DLG2: variants seen among roughly 807,000 people sequenced by gnomAD.
The protein encoded by DLG2 is discs large MAGUK scaffold protein 2, also known as disks large homolog 2.
Under a neutral mutation model 132.5 loss-of-function variants are expected in DLG2, and 45 were observed. The observed-to-expected ratio is 0.34, with a 90% CI of 0.27 to 0.44. DLG2 has a LOEUF of 0.44. DLG2 is among the 20% of genes least tolerant of loss of function. The probability of loss-of-function intolerance (pLI) is 1.00; values close to 1 mark genes in which losing one functional copy is unlikely to be tolerated. For synonymous variants in DLG2, 424 were observed against 419.6 expected (o/e 1.01, Z -0.13); for missense variants, 1,045 against 1,196.9 (o/e 0.87, Z 1.87).
At chr11:84,707,582 T>G (rs2059916853) in intron 6 of DLG2, among the ~76,000 whole-genome samples, 1 of 151,792 alleles carries the variant, frequency 6.6e-6, no homozygotes, top group Non-Finnish European at 1.5e-5. Flanking sequence ...TACAATAGGT[T>G]GTATTCCCAA....
At chr11:85,397,017 G>C (rs1028529780) in intron 3 of DLG2, among the ~76,000 whole-genome samples, 3 of 152,104 alleles carry the variant, frequency 2.0e-5, no homozygotes, top group African/African-American at 7.2e-5. Flanking sequence ...AATATTAAGG[G>C]CATCCAAAGA....
chr11:84,167,025 C>T (rs1170059230), intron 8 of DLG2: 4 of 532,824 alleles, frequency 7.5e-6, no homozygotes, highest in African/African-American at 1.9e-5. Flanking sequence ...TCTGTTATTC[C>T]AGTTCTGGCC....
intron 8 of DLG2, among the ~76,000 whole-genome samples, chr11:84,173,622 A>T (rs1458050297): frequency 6.6e-6 from 1 of 152,230 alleles, no homozygotes; most frequent in Non-Finnish European, 1.5e-5. Flanking sequence ...ACTTGAGTAT[A>T]ATATGACTGT....
chr11:84,331,650 C>T (rs1043303064), intron 7 of DLG2, among the ~76,000 whole-genome samples: 18 of 151,606 alleles, frequency 1.2e-4, no homozygotes, highest in Admixed American at 7.9e-4. Flanking sequence ...ATAAAATCCC[C>T]ATGTTGGTGA....
chr11:83,483,270 T>A, intron 22 of DLG2: 1 of 1,613,080 alleles, frequency 6.2e-7, no homozygotes, highest in Admixed American at 1.7e-5. Context: ...CTTTGTTCCA[T>A]AACCGTCGTC....
intron 16 of DLG2, among the ~76,000 whole-genome samples, chr11:83,859,478 A>G (rs2061085611): frequency 1.3e-5 from 2 of 152,210 alleles, no homozygotes; most frequent in Non-Finnish European, 2.9e-5. Context: ...CCTGCCCTAG[A>G]GATTTGTGAA....
intron 6 of DLG2, among the ~76,000 whole-genome samples, chr11:84,877,610 T>A (rs757480931): frequency 1.1e-4 from 16 of 140,090 alleles, no homozygotes; most frequent in Non-Finnish European, 2.4e-4. Context: ...ATGAGATGGG[T>A]CTCCTGAATA....
chr11:84,674,533 C>T (rs1016020729), intron 6 of DLG2, among the ~76,000 whole-genome samples: 2 of 152,030 alleles, frequency 1.3e-5, no homozygotes, highest in Admixed American at 6.6e-5. Flanking sequence ...TCCTTATTAA[C>T]TTATAGAACT....
chr11:84,102,642 T>G (rs936446056), intron 9 of DLG2, among the ~76,000 whole-genome samples: 9 of 152,098 alleles, frequency 5.9e-5, no homozygotes, highest in Non-Finnish European at 1.3e-4. Context: ...TCACTGGGCG[T>G]GAAGGACCCA....
At chr11:84,498,301 G>A (rs1378021119) in intron 7 of DLG2, among the ~76,000 whole-genome samples, 1 of 152,128 alleles carries the variant, frequency 6.6e-6, no homozygotes, top group Non-Finnish European at 1.5e-5. Context: ...TATGTAATAA[G>A]TACTTACTTA....
At chr11:84,611,916 T>A (rs1365624550) in intron 6 of DLG2, among the ~76,000 whole-genome samples, 1 of 152,176 alleles carries the variant, frequency 6.6e-6, no homozygotes, top group East Asian at 1.9e-4. Context: ...GAGATTTCTT[T>A]TCAAAAAGAT....
chr11:84,448,868 A>ACTAT (rs1249351717), intron 7 of DLG2, among the ~76,000 whole-genome samples: 1 of 152,038 alleles, frequency 6.6e-6, no homozygotes, highest in African/African-American at 2.4e-5. Context: ...GGTAATAATA[A>ACTAT]CTATCTTTTG....
chr11:85,125,173 C>T (rs2074939572), intron 5 of DLG2, among the ~76,000 whole-genome samples: 1 of 152,094 alleles, frequency 6.6e-6, no homozygotes, highest in Non-Finnish European at 1.5e-5. Context: ...TGTAAAATTT[C>T]ATTTGCAGTT....
chr11:85,005,322 T>C (rs1421057963), intron 6 of DLG2, among the ~76,000 whole-genome samples: 2 of 152,154 alleles, frequency 1.3e-5, no homozygotes, highest in Non-Finnish European at 2.9e-5. Flanking sequence ...TTGGGCAGTA[T>C]GGCCATTTTC....
At chr11:84,667,178 T>A (rs1319560779) in intron 6 of DLG2, among the ~76,000 whole-genome samples, 1 of 152,196 alleles carries the variant, frequency 6.6e-6, no homozygotes, top group African/African-American at 2.4e-5. Context: ...ACAAATGTAT[T>A]TCTAAATTCT....
chr11:84,987,135 C>G (rs939596600), intron 6 of DLG2, among the ~76,000 whole-genome samples: 2 of 152,218 alleles, frequency 1.3e-5, no homozygotes, highest in East Asian at 3.9e-4. Flanking sequence ...AGTGGAGAAT[C>G]AAATCAAGAA....
chr11:83,857,817 C>T (rs200352823), intron 16 of DLG2, among the ~76,000 whole-genome samples: 3 of 145,414 alleles, frequency 2.1e-5, no homozygotes, highest in South Asian at 4.4e-4. Context: ...ATTTTCTGCT[C>T]TTTTTTTTTT....
chr11:83,543,462 T>C (rs2096142836), intron 19 of DLG2, among the ~76,000 whole-genome samples: 1 of 152,182 alleles, frequency 6.6e-6, no homozygotes. Flanking sequence ...CAGTCTAGTG[T>C]ATTACAGTGT....
intron 3 of DLG2, among the ~76,000 whole-genome samples, chr11:85,422,687 T>A (rs1420134508): frequency 6.6e-6 from 1 of 151,910 alleles, no homozygotes; most frequent in African/African-American, 2.4e-5. Flanking sequence ...GATGGGGTTT[T>A]ACCACATTGG....
Sources: gnomAD v4.1 joint callset for allele counts (sites outside exome capture counted in the v4.1 genomes callset) on GRCh38, gnomAD v4.1.1 for gene constraint, MANE v1.5 for transcripts, NCBI Gene and HGNC (gene_info 2026-07-23, HGNC 2026-07-21) for gene names.